ACSS3: variants seen among roughly 807,000 people sequenced by gnomAD.
The protein encoded by ACSS3 is acyl-CoA synthetase short chain family member 3, also known as acyl-CoA synthetase short-chain family member 3, mitochondrial.
In ACSS3, 64 loss-of-function variants were observed where a neutral mutation model predicts 84.2. The observed-to-expected ratio is 0.76, with a 90% confidence interval of 0.62 to 0.94. ACSS3 has a LOEUF of 0.94. Among genes scored for constraint, ACSS3 ranks in the 40% least tolerant of loss-of-function variants. ACSS3 has a pLI of 0.00. For missense variants in ACSS3, 815 were observed against 867.6 expected (o/e 0.94, Z 0.76); for synonymous variants, 317 against 310.1 (o/e 1.02, Z -0.23).
At position 81,200,039 on chromosome 12, in the gene ACSS3, A is replaced by G. The variant is rs138972702; in HGVS notation, c.1354+595A>G. ...CATTACATATGTAATTTGTTCATTT[A>G]ATTTATTTTGTTTATTCCCTATAGT... On this transcript the variant is annotated intron_variant, in intron 9 of 15. Coordinates refer to ENST00000548058, the MANE Select transcript of ACSS3 (RefSeq NM_024560.4). Among the ~76,000 whole-genome samples, 5 of 152,232 alleles carry G rather than the reference A, an allele frequency of 3.3e-5. No homozygotes were observed. The East Asian group carries it at 9.6e-4, about 29-fold the overall frequency.
chr12:81,099,360 T>C (rs901019669), intron 1 of ACSS3, among the ~76,000 whole-genome samples: 27 of 152,246 alleles, frequency 1.8e-4, no homozygotes, highest in South Asian at 1.2e-3. Context: ...AGAAAGTAAA[T>C]ATAAACCTGA....
rs371649107 is a variant in ACSS3, at chr12:81,252,918, C to T, written c.1720-389C>T. Among the ~76,000 whole-genome samples the T allele has an allele frequency of 1.5e-4, 23 of 152,284 alleles. No individual in the cohort carries two copies. In the South Asian group the frequency reaches 2.5e-3, roughly 16 times the overall value. ...TGGAAGGTATGCCTATGGCAGCCAG[C>T]ATTAAGACCAAATCGCCATGAGGCT... On this transcript the variant is annotated intron_variant, in intron 13 of 15. Coordinates refer to ENST00000548058, the MANE Select transcript of ACSS3 (RefSeq NM_024560.4).
At chr12:81,142,434 A>G (rs1886137810) in intron 4 of ACSS3, among the ~76,000 whole-genome samples, 1 of 152,156 alleles carries the variant, frequency 6.6e-6, no homozygotes, top group Admixed American at 6.6e-5. Context: ...AGACTATTTA[A>G]TTTCTTTAAA....
chr12:81,245,930 T>C (rs896991690), intron 13 of ACSS3, among the ~76,000 whole-genome samples: 1 of 152,186 alleles, frequency 6.6e-6, no homozygotes, highest in Non-Finnish European at 1.5e-5. Flanking sequence ...GCTGTTCTTA[T>C]GGGTAATGAG....
intron 9 of ACSS3, among the ~76,000 whole-genome samples, chr12:81,200,259 T>C (rs530792993): frequency 6.1e-4 from 93 of 152,254 alleles, no homozygotes; most frequent in African/African-American, 2.1e-3. Flanking sequence ...TTTAAAAAAT[T>C]TGACTCACTG....
intron 1 of ACSS3, among the ~76,000 whole-genome samples, chr12:81,100,708 T>A (rs1882441929): frequency 6.6e-6 from 1 of 152,132 alleles, no homozygotes; most frequent in Non-Finnish European, 1.5e-5. Flanking sequence ...TGATCTTGGG[T>A]TATTAGGAAG....
intron 2 of ACSS3, among the ~76,000 whole-genome samples, chr12:81,115,922 G>A (rs113265513): frequency 0.014 from 2,083 of 152,150 alleles, 24 homozygotes; most frequent in Non-Finnish European, 0.022. Flanking sequence ...CTTGCCAGTA[G>A]AATATTATGC....
intron 7 of ACSS3, among the ~76,000 whole-genome samples, chr12:81,170,656 G>A (rs901890696): frequency 6.6e-6 from 1 of 151,984 alleles, no homozygotes; most frequent in Admixed American, 6.6e-5. Flanking sequence ...ATTGCTTTTG[G>A]TGTGTATGTT....
Position 81,199,445 on chromosome 12 carries a change from G to A in ACSS3, c.1354+1G>A, listed in dbSNP as rs144280835. Reference sequence around the variant, plus strand: ...GTCTTAGACCATTGGTGGCAAACTGGTAAGCATTTTCCTAGCATGTACATA... The same window carrying A: ...GTCTTAGACCATTGGTGGCAAACTGATAAGCATTTTCCTAGCATGTACATA... On this transcript the variant is annotated splice_donor_variant, in intron 9 of 15. Coordinates refer to ENST00000548058, the MANE Select transcript of ACSS3 (RefSeq NM_024560.4). LOFTEE classifies it high-confidence loss of function. 3.7e-6 allele frequency: 6 copies of A among 1,610,674 alleles called. No individual in the cohort carries two copies. The highest frequency in any genetic ancestry group is 4.2e-6 in the Non-Finnish European group (5 of 1,177,894).
intron 1 of ACSS3, among the ~76,000 whole-genome samples, chr12:81,108,987 A>G (rs1480686472): frequency 1.3e-5 from 2 of 152,222 alleles, no homozygotes; most frequent in Admixed American, 6.5e-5. Context: ...TAAATATTTT[A>G]TATGCATGTC....
chr12:81,190,585 G>A (rs1188328202), intron 8 of ACSS3, among the ~76,000 whole-genome samples: 1 of 151,868 alleles, frequency 6.6e-6, no homozygotes, highest in Non-Finnish European at 1.5e-5. Flanking sequence ...CTTCTTTTAT[G>A]CCGTTTATTT....
chr12:81,102,299 A>G (rs1368597100), intron 1 of ACSS3, among the ~76,000 whole-genome samples: 17 of 152,178 alleles, frequency 1.1e-4, no homozygotes, highest in Admixed American at 6.5e-4. Context: ...CGGAAGTCAT[A>G]TAGAGCCTTG....
chr12:81,164,809 T>A (rs1344137160), intron 7 of ACSS3, among the ~76,000 whole-genome samples: 1 of 152,226 alleles, frequency 6.6e-6, no homozygotes, highest in Non-Finnish European at 1.5e-5. Flanking sequence ...CCAGTTTAAT[T>A]TGTTTATTCC....
At chr12:81,188,391 A>G (rs1593176073) in intron 8 of ACSS3, among the ~76,000 whole-genome samples, 1 of 152,088 alleles carries the variant, frequency 6.6e-6, no homozygotes, top group Admixed American at 6.6e-5. Context: ...TACAGAAAAG[A>G]ACATAAATCA....
intron 13 of ACSS3, among the ~76,000 whole-genome samples, chr12:81,236,351 A>G (rs1282459799): frequency 6.6e-6 from 1 of 151,524 alleles, no homozygotes; most frequent in Non-Finnish European, 1.5e-5. Context: ...ATTGATTCGT[A>G]TAATTAATAA....
Position 81,142,659 on chromosome 12 carries a change from T to C in ACSS3, c.781-448T>C, listed in dbSNP as rs139462435. On this transcript the variant is annotated intron_variant, in intron 4 of 15. Coordinates refer to ENST00000548058, the MANE Select transcript of ACSS3 (RefSeq NM_024560.4). ...CTGTGGTATTACTCCTAAAGGCCAT[T>C]GTATGAAGAGAAATTTTAATAGCTT... Among the ~76,000 whole-genome samples, 80 of 152,278 alleles carry C rather than the reference T, an allele frequency of 5.3e-4. 1 individual carries two copies. The East Asian group carries it at 0.014, about 26-fold the overall frequency.
intron 8 of ACSS3, among the ~76,000 whole-genome samples, chr12:81,198,700 C>T (rs2031963612): frequency 6.6e-6 from 1 of 151,814 alleles, no homozygotes; most frequent in Non-Finnish European, 1.5e-5. Flanking sequence ...ACAGTGCTTT[C>T]TGCCAAAGAT....
At chr12:81,225,928 C>T (rs547098334) in intron 11 of ACSS3, among the ~76,000 whole-genome samples, 12 of 151,936 alleles carry the variant, frequency 7.9e-5, no homozygotes, top group South Asian at 2.1e-4. Flanking sequence ...AATCTCCATC[C>T]TCTCTCTCCA....
At chr12:81,143,412 G>A (rs991376293) in intron 5 of ACSS3, 165 bp downstream of exon 5, 19 of 562,440 alleles carry the variant, frequency 3.4e-5, no homozygotes, top group South Asian at 5.5e-5. Context: ...GTGCAGTGGC[G>A]TGATCTCACC....
Sources: allele counts gnomAD v4.1 joint callset (sites outside exome capture counted in the v4.1 genomes callset), GRCh38; gene constraint gnomAD v4.1.1; transcripts MANE v1.5; gene names NCBI Gene and HGNC (gene_info 2026-07-23, HGNC 2026-07-21).